MOBP: variants seen among roughly 807,000 people sequenced by gnomAD.
MOBP encodes myelin associated oligodendrocyte basic protein.
A neutral mutation model predicts 15.0 loss-of-function variants in MOBP; 5 were observed. The ratio of observed to expected loss-of-function variants is 0.33; its 90% CI spans 0.17 to 0.70. The LOEUF (loss-of-function observed/expected upper bound fraction) is 0.70, where lower values mean the gene tolerates loss of function less well. MOBP is among the 30% of genes least tolerant of loss of function. The pLI is 0.67. For missense variants in MOBP, 188 were observed against 257.8 expected, an observed-to-expected ratio of 0.73 and a Z score of 1.85; for synonymous variants, 88 against 99.0, an observed-to-expected ratio of 0.89 and a Z score of 0.66.
Position 39,480,705 on chromosome 3 carries a change from T to C in MOBP, c.-5+582T>C, listed in dbSNP as rs187660635. The stretch of plus-strand genomic sequence containing the variant: ...CTTCACCGGGCCTCCAAGTCACATC[T>C]CCTCCTTCGCTGATGGTTTTTTACT... On this transcript the variant is annotated intron_variant, in intron 2 of 3. Coordinates refer to ENST00000684792, the MANE Select transcript of MOBP (RefSeq NM_001393704.1). Among the ~76,000 whole-genome samples, 46 of 152,282 alleles carry C rather than the reference T, an allele frequency of 3.0e-4. No homozygotes were observed. In the South Asian group the frequency reaches 6.2e-3, roughly 21 times the overall value.
At chr3:39,468,374 A>G (rs2125614210) in intron 1 of MOBP, among the ~76,000 whole-genome samples, 1 of 152,324 alleles carries the variant, frequency 6.6e-6, no homozygotes, top group East Asian at 1.9e-4. Flanking sequence ...GGAGGCGAGT[A>G]ATGAACTTGG....
downstream of MOBP, among the ~76,000 whole-genome samples, chr3:39,519,164 T>C (rs1256788599): frequency 6.6e-6 from 1 of 152,256 alleles, no homozygotes; most frequent in Non-Finnish European, 1.5e-5. Flanking sequence ...TTTGTTCTCA[T>C]GGAGATTCAA....
intron 1 of MOBP, among the ~76,000 whole-genome samples, chr3:39,477,325 G>A (rs904092816): frequency 4.0e-5 from 6 of 151,760 alleles, no homozygotes; most frequent in African/African-American, 7.3e-5. Context: ...CAATGTTTTG[G>A]TCAATGACAG....
intron 2 of MOBP, among the ~76,000 whole-genome samples, chr3:39,500,470 T>A (rs887860118): frequency 6.6e-6 from 1 of 152,060 alleles, no homozygotes; most frequent in Non-Finnish European, 1.5e-5. Context: ...AGACTAGAGA[T>A]AGAGGAGGAG....
intron 4 of MOBP, among the ~76,000 whole-genome samples, chr3:39,508,487 ATAT>A (rs2043076473): frequency 6.6e-6 from 1 of 151,732 alleles, no homozygotes; most frequent in African/African-American, 2.4e-5. Flanking sequence ...GAATTATGTA[ATAT>A]TATAGCCTTT....
At chr3:39,488,394 C>T (rs1245097943) in intron 2 of MOBP, among the ~76,000 whole-genome samples, 8 of 152,164 alleles carry the variant, frequency 5.3e-5, no homozygotes, top group Non-Finnish European at 1.2e-4. Flanking sequence ...ACCTTAGAAA[C>T]ATGATTGGCT....
intron 1 of MOBP, among the ~76,000 whole-genome samples, chr3:39,472,637 C>T (rs1014974010): frequency 1.3e-5 from 2 of 152,098 alleles, no homozygotes; most frequent in African/African-American, 2.4e-5. Context: ...AAAAATTGGG[C>T]GCCACTGGCC....
intron 2 of MOBP, among the ~76,000 whole-genome samples, chr3:39,485,690 T>C (rs2042694965): frequency 1.3e-5 from 2 of 152,198 alleles, no homozygotes; most frequent in Non-Finnish European, 2.9e-5. Flanking sequence ...GGCGTTCCTC[T>C]CACCAAGTGC....
At chr3:39,474,816 G>C (rs1483074072) in intron 1 of MOBP, among the ~76,000 whole-genome samples, 1 of 152,096 alleles carries the variant, frequency 6.6e-6, no homozygotes, top group African/African-American at 2.4e-5. Flanking sequence ...CTCCCCTCAA[G>C]ATCCAGTTTT....
chr3:39,518,233 A>C (rs1012708693), downstream of MOBP, among the ~76,000 whole-genome samples: 2 of 152,260 alleles, frequency 1.3e-5, no homozygotes, highest in Middle Eastern at 3.4e-3. Context: ...AAAAGGTGCA[A>C]GGATTTTGTA....
In MOBP at chr3:39,502,507, C is replaced by G. The variant is rs894789694; in HGVS notation, c.207-28C>G. On this transcript the variant is annotated intron_variant, in intron 3 of 3. Transcript: ENST00000684792. This position sits in a 1 kb window ranked among gnomAD's most constrained non-coding sequence, Gnocchi z 6.3. ...AGCAGCAGAGGAGAGCCCTGGCTCCCGCCTCCAGCTTCTTTTGGCCCTCTC... is the reference window on the plus strand; with the variant it reads ...AGCAGCAGAGGAGAGCCCTGGCTCCGGCCTCCAGCTTCTTTTGGCCCTCTC... The G allele has an allele frequency of 6.4e-7, 1 of 1,559,252 alleles. No individual in the cohort carries two copies. Among genetic ancestry groups the G allele is most frequent in the Non-Finnish European group, 8.6e-7 (1 of 1,160,826 alleles).
chr3:39,479,549 A>AT (rs1468680933), intron 1 of MOBP, among the ~76,000 whole-genome samples: 1 of 152,076 alleles, frequency 6.6e-6, no homozygotes, highest in African/African-American at 2.4e-5. Flanking sequence ...ATCAAATTAG[A>AT]TTTTTTCATG....
At chr3:39,500,165 C>A in intron 2 of MOBP, 1 of 439,906 alleles carries the variant, frequency 2.3e-6, no homozygotes, top group Non-Finnish European at 4.6e-6. Flanking sequence ...TTTTTCTGGC[C>A]ATTAGCACAT....
intron 2 of MOBP, among the ~76,000 whole-genome samples, chr3:39,492,356 C>T (rs543122379): frequency 1.5e-4 from 23 of 152,222 alleles, no homozygotes; most frequent in Admixed American, 1.2e-3. Flanking sequence ...TTTTCATACT[C>T]TTATCCACCT....
exon 5 of MOBP, chr3:39,524,845 A>G (rs1344864701): frequency 6.6e-6 from 1 of 152,350 alleles, no homozygotes; most frequent in East Asian, 1.9e-4. Flanking sequence ...TGGTATATTT[A>G]TAAATAAAAA....
At chr3:39,521,504 C>A (rs1179282844) in intron 3 of MOBP, among the ~76,000 whole-genome samples, 1 of 152,024 alleles carries the variant, frequency 6.6e-6, no homozygotes, top group African/African-American at 2.4e-5. Flanking sequence ...AATGCTTTTT[C>A]TTTTGGAGCC....
chr3:39,473,262 G>A (rs1185587559), intron 1 of MOBP, among the ~76,000 whole-genome samples: 1 of 152,214 alleles, frequency 6.6e-6, no homozygotes, highest in Non-Finnish European at 1.5e-5. Flanking sequence ...AGGCCAACCA[G>A]ATCAGGAGAT....
intron 2 of MOBP, among the ~76,000 whole-genome samples, chr3:39,496,347 C>T (rs1354920273): frequency 9.2e-5 from 14 of 151,712 alleles, no homozygotes; most frequent in Middle Eastern, 3.4e-3. Context: ...TACAGGTGCC[C>T]GCCACCACAC....
At position 39,482,106 on chromosome 3, in the gene MOBP, T is replaced by A. The variant is rs147989209; in HGVS notation, c.-5+1983T>A. Among the ~76,000 whole-genome samples, 5 of 152,284 alleles carry A rather than the reference T, an allele frequency of 3.3e-5. No individual in the cohort carries two copies. The East Asian group carries it at 9.7e-4, about 29-fold the overall frequency. ...AATCCATTAAAAGTGAACTCATGCT[T>A]CTGTTTTTCGCCCAAACCTTCTTTT... On this transcript the variant is annotated intron_variant, in intron 2 of 3. Coordinates refer to ENST00000684792, the MANE Select transcript of MOBP (RefSeq NM_001393704.1).
Sources: allele counts gnomAD v4.1 joint callset (sites outside exome capture counted in the v4.1 genomes callset), GRCh38; gene constraint gnomAD v4.1.1; non-coding constraint Gnocchi (gnomAD v3.1); transcripts MANE v1.5; gene names NCBI Gene and HGNC (gene_info 2026-07-23, HGNC 2026-07-21).